The following GPC6 variants were observed in gnomAD, a reference collection of about 807,000 sequenced individuals.
GPC6 encodes glypican 6.
GPC6 carries 14 observed loss-of-function variants against 55.2 expected under a neutral mutation model. The ratio of observed to expected loss-of-function variants is 0.25; its 90% confidence interval spans 0.17 to 0.40. The LOEUF is 0.40. Among genes scored for constraint, GPC6 ranks in the 10% least tolerant of loss-of-function variants. The probability of loss-of-function intolerance (pLI) is 1.00; values close to 1 mark genes in which losing one functional copy is unlikely to be tolerated. For missense variants in GPC6, 641 were observed against 708.5 expected (o/e 0.90, Z 1.08); for synonymous variants, 278 against 259.6 (o/e 1.07, Z -0.68).
At chr13:93,483,072 G>T (rs2139343948) in intron 1 of GPC6, among the ~76,000 whole-genome samples, 1 of 152,234 alleles carries the variant, frequency 6.6e-6, no homozygotes, top group East Asian at 1.9e-4. Context: ...GAGATTTTCT[G>T]ACTTTGATCA....
intron 4 of GPC6, among the ~76,000 whole-genome samples, chr13:94,178,994 T>C (rs1049078143): frequency 2.6e-5 from 4 of 152,152 alleles, no homozygotes; most frequent in African/African-American, 9.7e-5. Flanking sequence ...GTTCCCCCTT[T>C]CTTGATCTTG....
chr13:93,485,373 G>C (rs759127712), intron 1 of GPC6, among the ~76,000 whole-genome samples: 3 of 152,188 alleles, frequency 2.0e-5, no homozygotes, highest in Non-Finnish European at 4.4e-5. Context: ...ATGTTAGATA[G>C]AGTTGGGAGG....
At chr13:93,876,758 T>G (rs567427562) in intron 3 of GPC6, among the ~76,000 whole-genome samples, 2 of 152,102 alleles carry the variant, frequency 1.3e-5, no homozygotes, top group Non-Finnish European at 2.9e-5. Context: ...TTTTTCTTTT[T>G]AAGAGATTTT....
intron 1 of GPC6, among the ~76,000 whole-genome samples, chr13:93,276,495 A>AGAGAGAGAGAGAGAGT (rs1365006783): frequency 1.5e-4 from 14 of 94,392 alleles, no homozygotes; most frequent in African/African-American, 4.9e-4. Context: ...AGAGAGAGAG[A>AGAGAGAGAGAGAGAGT]GTGTGTGTGT....
intron 4 of GPC6, among the ~76,000 whole-genome samples, chr13:94,238,510 G>T (rs934756615): frequency 7.9e-5 from 12 of 152,150 alleles, no homozygotes; most frequent in Non-Finnish European, 1.2e-4. Flanking sequence ...CGAGGACTAA[G>T]GGAGTAGAGT....
At chr13:93,826,278 T>C (rs763290225) in intron 2 of GPC6, among the ~76,000 whole-genome samples, 6 of 151,704 alleles carry the variant, frequency 4.0e-5, no homozygotes, top group Non-Finnish European at 7.4e-5. Context: ...TGAGGGAGAG[T>C]AGAAACAAAG....
At chr13:93,564,410 A>C (rs905710497) in intron 2 of GPC6, among the ~76,000 whole-genome samples, 1 of 152,152 alleles carries the variant, frequency 6.6e-6, no homozygotes, top group Non-Finnish European at 1.5e-5. Flanking sequence ...ATAAGAGAAA[A>C]GTCCTTTTGT....
intron 4 of GPC6, among the ~76,000 whole-genome samples, chr13:94,215,861 G>A (rs74105750): frequency 0.02 from 2,984 of 152,104 alleles, 99 homozygotes; most frequent in African/African-American, 0.067. Flanking sequence ...ACATCAAAAA[G>A]AAAAGGGGTA....
At chr13:93,295,725 C>T (rs1878474989) in intron 1 of GPC6, among the ~76,000 whole-genome samples, 1 of 151,792 alleles carries the variant, frequency 6.6e-6, no homozygotes, top group South Asian at 2.1e-4. Flanking sequence ...TTGTGATCCG[C>T]CCACCTTGGG....
intron 1 of GPC6, among the ~76,000 whole-genome samples, chr13:93,473,193 G>T (rs892846203): frequency 1.3e-5 from 2 of 152,188 alleles, no homozygotes; most frequent in Non-Finnish European, 2.9e-5. Flanking sequence ...TTTTGTCCAG[G>T]AGCCTGTCTG....
At chr13:94,265,709 T>G (rs1233974156) in intron 4 of GPC6, among the ~76,000 whole-genome samples, 1 of 152,182 alleles carries the variant, frequency 6.6e-6, no homozygotes, top group Non-Finnish European at 1.5e-5. Flanking sequence ...GAAGGAAAAC[T>G]GAGGAGCAGG....
chr13:93,852,116 C>T (rs1331510428), intron 3 of GPC6, among the ~76,000 whole-genome samples: 1 of 151,658 alleles, frequency 6.6e-6, no homozygotes, highest in African/African-American at 2.4e-5. Flanking sequence ...GTATTATAAA[C>T]ATGATGATAC....
intron 6 of GPC6, among the ~76,000 whole-genome samples, chr13:94,375,013 C>T (rs1183364144): frequency 4.5e-4 from 66 of 147,988 alleles, no homozygotes; most frequent in African/African-American, 4.8e-4. Context: ...TTGAAACCAA[C>T]GAGAACAAAG....
At chr13:93,623,296 G>A (rs1331015535) in intron 2 of GPC6, among the ~76,000 whole-genome samples, 1 of 152,046 alleles carries the variant, frequency 6.6e-6, no homozygotes, top group Non-Finnish European at 1.5e-5. Context: ...GCCCAGTAGT[G>A]AGACTGCTAA....
chr13:93,554,889 T>A (rs1359253241), intron 2 of GPC6, among the ~76,000 whole-genome samples: 1 of 152,214 alleles, frequency 6.6e-6, no homozygotes, highest in Non-Finnish European at 1.5e-5. Flanking sequence ...TTGTTATTCT[T>A]GCAAAAGGTT....
chr13:93,953,579 T>G (rs769478234), intron 3 of GPC6, among the ~76,000 whole-genome samples: 1 of 152,232 alleles, frequency 6.6e-6, no homozygotes, highest in South Asian at 2.1e-4. Context: ...TTCCAACATT[T>G]GAAATCAAAC....
chr13:93,817,987 T>C (rs1454757239), intron 2 of GPC6, among the ~76,000 whole-genome samples: 1 of 147,752 alleles, frequency 6.8e-6, no homozygotes, highest in East Asian at 1.9e-4. Flanking sequence ...TATAAGTATA[T>C]ATAAAATAAA....
intron 2 of GPC6, among the ~76,000 whole-genome samples, chr13:93,661,886 G>A (rs895966635): frequency 2.6e-5 from 4 of 152,076 alleles, no homozygotes; most frequent in African/African-American, 9.7e-5. Flanking sequence ...AAAATGAGGG[G>A]CACTATATGT....
intron 1 of GPC6, among the ~76,000 whole-genome samples, chr13:93,279,564 A>G (rs1303917303): frequency 6.6e-6 from 1 of 152,306 alleles, no homozygotes; most frequent in Non-Finnish European, 1.5e-5. Context: ...AGGGATACTC[A>G]TATTCTAGTG....
Sources: allele counts gnomAD v4.1 joint callset (sites outside exome capture counted in the v4.1 genomes callset), GRCh38; gene constraint gnomAD v4.1.1; transcripts MANE v1.5; gene names NCBI Gene and HGNC (gene_info 2026-07-23, HGNC 2026-07-21).